TFRC: variants seen among roughly 807,000 people sequenced by gnomAD.
TFRC encodes transferrin receptor.
A neutral mutation model predicts 85.8 loss-of-function variants in TFRC; 35 were observed. The ratio of observed to expected loss-of-function variants is 0.41; its 90% CI spans 0.31 to 0.54. The LOEUF is 0.54. Ranked by LOEUF, TFRC falls within the 20% of genes least tolerant of loss-of-function variation. TFRC has a pLI of 0.31. For missense variants in TFRC, 828 were observed against 921.5 expected (o/e 0.90, Z 1.31); for synonymous variants, 362 against 328.6 (o/e 1.10, Z -1.10).
chr3:196,058,210 G>T, intron 16 of TFRC, 74 bp downstream of exon 16: 1 of 1,235,618 alleles, frequency 8.1e-7, no homozygotes, highest in Non-Finnish European at 1.2e-6. Context: ...CCATTGCAAT[G>T]CCCTATTCCC....
At chr3:196,063,794 G>A (rs1386444538) in intron 11 of TFRC, among the ~76,000 whole-genome samples, 1 of 152,116 alleles carries the variant, frequency 6.6e-6, no homozygotes, top group Non-Finnish European at 1.5e-5. Flanking sequence ...GTGGGTGCCT[G>A]TAATCCCAGC....
intron 16 of TFRC, among the ~76,000 whole-genome samples, chr3:196,057,309 C>T (rs1158268669): frequency 6.6e-6 from 1 of 152,146 alleles, no homozygotes; most frequent in Non-Finnish European, 1.5e-5. Context: ...CTGTTCTGTT[C>T]TAATTACCGG....
chr3:196,072,689 G>T (rs1718310292), intron 4 of TFRC: 1 of 148,804 alleles, frequency 6.7e-6, no homozygotes, highest in Admixed American at 6.6e-5. Context: ...AGATGAAGTA[G>T]AAAATGCCAT....
intron 11 of TFRC, 126 bp from the exon 12 acceptor site, chr3:196,063,065 C>T: frequency 1.6e-6 from 1 of 635,758 alleles, no homozygotes; most frequent in Non-Finnish European, 2.5e-6. Flanking sequence ...TCTTTTTTTT[C>T]TGAGCCAAAA....
At chr3:196,061,038 G>A (rs144669114) in intron 13 of TFRC, among the ~76,000 whole-genome samples, 155 of 152,206 alleles carry the variant, frequency 1.0e-3, no homozygotes, top group African/African-American at 3.4e-3. Context: ...ACCTAGAGAG[G>A]TTTAATTGTA....
At chr3:196,059,469 A>T (rs1717089182) in intron 14 of TFRC, among the ~76,000 whole-genome samples, 1 of 152,174 alleles carries the variant, frequency 6.6e-6, no homozygotes, top group Non-Finnish European at 1.5e-5. Context: ...CAAATTCATG[A>T]TCACCTTGCT....
At chr3:196,075,886 G>C (rs183266456) in intron 2 of TFRC, among the ~76,000 whole-genome samples, 2 of 151,664 alleles carry the variant, frequency 1.3e-5, no homozygotes, top group Admixed American at 6.6e-5. Flanking sequence ...AGCACTCTGG[G>C]GGGGGCCGAG....
Position 196,052,126 on chromosome 3 carries a change from A to C in TFRC, c.2099T>G (p.Val700Gly). 6.2e-7 allele frequency: 1 copy of C among 1,614,088 alleles called. No individual in the cohort carries two copies. Among genetic ancestry groups the C allele is most frequent in the Non-Finnish European group, 8.5e-7 (1 of 1,180,010 alleles). Reference sequence around the variant, plus strand: ...CGTGTGAGAGCCGGAGCCCCAGAAGACATGTCGGAAAGGAGACTCTTTTGG... The same window carrying C: ...CGTGTGAGAGCCGGAGCCCCAGAAGCCATGTCGGAAAGGAGACTCTTTTGG... ...VSPKESPFRH[V>G]FWGSGSHTLP... Residue 700 changes from valine to glycine, a missense_variant, in exon 19 of 19, where the codon GTC becomes GGC. By Grantham distance (109) the Val-to-Gly change is moderately radical. Coordinates refer to ENST00000360110, the MANE Select transcript of TFRC (RefSeq NM_001128148.3).
intron 17 of TFRC, among the ~76,000 whole-genome samples, chr3:196,054,297 T>C: frequency 6.6e-6 from 1 of 151,970 alleles, no homozygotes. Context: ...CCCAGCTACC[T>C]GGGGAGCCGA....
chr3:196,053,477 C>T lies in TFRC; in HGVS notation c.1981G>A (p.Gly661Arg), dbSNP rs745484177. 4.5e-5 allele frequency: 72 copies of T among 1,614,022 alleles called. No homozygotes were observed. In the South Asian group the frequency reaches 5.1e-4, roughly 11 times the overall value. Residue 661 changes from glycine (G) to arginine (R), a missense_variant, in exon 18 of 19, where the codon GGG becomes AGG. Gly to Arg is a moderately radical substitution (Grantham distance 125, BLOSUM62 -2). Transcript: ENST00000360110. Reference sequence around the variant, plus strand: ...AATCTGTCTGTTTTCTCAGCATTCCCGAAATCTGTTGTTAGTCTGGAAGTA... The same window carrying T: ...AATCTGTCTGTTTTCTCAGCATTCCTGAAATCTGTTGTTAGTCTGGAAGTA... ...RATSRLTTDF[G>R]NAEKTDRFVM...
chr3:196,066,245 T>C (rs746854586), intron 9 of TFRC, among the ~76,000 whole-genome samples: 7 of 152,224 alleles, frequency 4.6e-5, no homozygotes, highest in Non-Finnish European at 7.3e-5. Flanking sequence ...CACTTTTATG[T>C]TTCCCAACTG....
chr3:196,055,173 G>T lies in TFRC; in HGVS notation c.1806C>A (p.Thr602=). 6.2e-7 allele frequency: 1 copy of T among 1,614,178 alleles called. No homozygotes were observed. Among genetic ancestry groups the T allele is most frequent in the Non-Finnish European group, 8.5e-7 (1 of 1,180,040 alleles). The change falls in exon 17 of 19, where the codon ACC becomes ACA. Residue 602 remains threonine (T), a synonymous_variant. Transcript: ENST00000360110. ...EVAGQFVIKL[T]HDVELNLDYE... Reference sequence around the variant, plus strand: ...AGTCCAGGTTCAATTCAACATCATGGGTTAGTTTAATCACGAACTGACCAG... The same window carrying T: ...AGTCCAGGTTCAATTCAACATCATGTGTTAGTTTAATCACGAACTGACCAG...
chr3:196,050,231 T>C lies in TFRC; in HGVS notation c.*1711A>G, dbSNP rs1716200604. The C allele has an allele frequency of 4.5e-6, 1 of 224,608 alleles. No homozygotes were observed. The highest frequency in any genetic ancestry group is 2.2e-5 in the African/African-American group (1 of 44,902). 13.9% of individuals were successfully genotyped at this position (224,608 alleles called of 1,614,324 possible). A position where few individuals can be genotyped will look rare whatever the true frequency, so the allele number is the denominator to read the frequency against. On this transcript the variant is annotated 3_prime_UTR_variant, in exon 19 of 19. Transcript: ENST00000360110. ...AATAGCAAACATTATAAATGTATGC[T>C]ACTATCTCATTAAGTAGAGGACCTG...
At chr3:196,079,076 T>C (rs1438650488) in intron 1 of TFRC, among the ~76,000 whole-genome samples, 2 of 152,076 alleles carry the variant, frequency 1.3e-5, no homozygotes, top group Admixed American at 6.6e-5. Context: ...CCCAAGGAAA[T>C]CGAAGGCGTG....
chr3:196,065,289 TAA>T (rs1717622691), intron 10 of TFRC, among the ~76,000 whole-genome samples, 152 bp downstream of exon 10: 1 of 146,854 alleles, frequency 6.8e-6, no homozygotes, highest in South Asian at 2.2e-4. Context: ...AACTAACACA[TAA>T]ACAATTAACT....
At chr3:196,067,896 T>C in intron 8 of TFRC, 136 bp downstream of exon 8, 1 of 767,594 alleles carries the variant, frequency 1.3e-6, no homozygotes, top group South Asian at 2.0e-5. Flanking sequence ...CAATGTAATC[T>C]ATCTTCTTGC....
At chr3:196,066,586 G>A (rs1389020419) in intron 9 of TFRC, among the ~76,000 whole-genome samples, 1 of 152,188 alleles carries the variant, frequency 6.6e-6, no homozygotes, top group Non-Finnish European at 1.5e-5. Flanking sequence ...AGGATAAGAT[G>A]GGACGCTGGC....
intron 3 of TFRC, among the ~76,000 whole-genome samples, chr3:196,074,599 T>C (rs1169216774): frequency 6.6e-6 from 1 of 152,118 alleles, no homozygotes; most frequent in Non-Finnish European, 1.5e-5. Context: ...AGGCATAAAG[T>C]GGACGGGAAA....
In TFRC at chr3:196,053,562, A is replaced by C. The variant is rs759709237; in HGVS notation, c.1900-4T>G. 6.2e-7 allele frequency: 1 copy of C among 1,613,966 alleles called. No homozygotes were observed. The highest frequency in any genetic ancestry group is 2.2e-5 in the East Asian group (1 of 44,868). On this transcript the variant is annotated splice_polypyrimidine_tract_variant and splice_region_variant and intron_variant, in intron 17 of 18. Coordinates refer to ENST00000360110, the MANE Select transcript of TFRC (RefSeq NM_001128148.3). ...ACTGTAAACTCAGGCCCATTTCCTG[A>C]AACAGACATTATTCGCTATGAGAAG...
Sources: allele counts gnomAD v4.1 joint callset (sites outside exome capture counted in the v4.1 genomes callset), GRCh38; gene constraint gnomAD v4.1.1; transcripts MANE v1.5; gene names NCBI Gene and HGNC (gene_info 2026-07-23, HGNC 2026-07-21).